The following ELFN2 variants were observed in gnomAD, a reference collection of about 807,000 sequenced individuals.
ELFN2 encodes the protein extracellular leucine rich repeat and fibronectin type III domain containing 2, also known as protein phosphatase 1 regulatory subunit 29.
A neutral mutation model predicts 45.5 loss-of-function variants in ELFN2; 17 were observed. The observed-to-expected ratio is 0.37, with a 90% confidence interval of 0.26 to 0.56. The LOEUF is 0.56. ELFN2 is among the 20% of genes least tolerant of loss of function. ELFN2 has a pLI of 0.77. For missense variants in ELFN2, 922 were observed against 1,183.2 expected (o/e 0.78, Z 3.24); for synonymous variants, 550 against 551.5 (o/e 1.00, Z 0.04).
intron 1 of ELFN2, chr22:37,354,579 C>T (rs1254916914): frequency 6.6e-6 from 1 of 152,176 alleles, no homozygotes; most frequent in African/African-American, 2.4e-5. Context: ...GCAGTAACAA[C>T]CCCAGACATT....
chr22:37,348,101 G>T (rs1273955535), intron 1 of ELFN2, among the ~76,000 whole-genome samples: 1 of 152,210 alleles, frequency 6.6e-6, no homozygotes, highest in East Asian at 1.9e-4. Context: ...CAACCTCAGG[G>T]GCCCAATTGG....
chr22:37,392,728 G>A (rs919140469), intron 2 of ELFN2, among the ~76,000 whole-genome samples: 4 of 152,110 alleles, frequency 2.6e-5, no homozygotes, highest in Admixed American at 1.3e-4. Flanking sequence ...TGCTCCCCAC[G>A]CCACTGTATA....
downstream of ELFN2, among the ~76,000 whole-genome samples, chr22:37,363,812 G>A (rs1390977456): frequency 2.6e-5 from 4 of 152,198 alleles, no homozygotes; most frequent in African/African-American, 4.8e-5. Flanking sequence ...CTCCCAGAAC[G>A]GCAGGGCCGA....
At chr22:37,401,809 A>G (rs1932370245) in intron 2 of ELFN2, among the ~76,000 whole-genome samples, 1 of 152,148 alleles carries the variant, frequency 6.6e-6, no homozygotes, top group African/African-American at 2.4e-5. Flanking sequence ...AAAATAAGTT[A>G]TTCTTCCCCA....
Position 37,374,857 on chromosome 22 carries a change from C to A in ELFN2, c.678G>T (p.Leu226=), listed in dbSNP as rs778742655. 1.9e-6 allele frequency: 3 copies of A among 1,608,150 alleles called. No individual in the cohort carries two copies. The highest frequency in any genetic ancestry group is 2.5e-6 in the Non-Finnish European group (3 of 1,179,770). Residue 226 remains leucine, a synonymous_variant, in exon 3 of 3, where the codon CTG becomes CTT. Transcript: ENST00000402918. The part of the protein sequence containing the change: ...ESPREFAGYP[L]LVPRPYHSLN... ...GGCTGTGGTAGGGCCGGGGCACCAG[C>A]AGCGGGTAGCCGGCAAACTCCCGCG...
chr22:37,393,583 G>A lies in ELFN2; in HGVS notation c.-462-17587C>T, dbSNP rs139106625. Among the ~76,000 whole-genome samples, 75 of 152,288 alleles carry A rather than the reference G, an allele frequency of 4.9e-4. 2 individuals are homozygous for A. The highest frequency in any genetic ancestry group is 6.8e-3 in the Middle Eastern group (2 of 294). ...CCAGCACTTCCTGAGCCTGGACCACGCCCCAGGCCTTGCGCTAAGTCCCAT... is the reference window on the plus strand; with the variant it reads ...CCAGCACTTCCTGAGCCTGGACCACACCCCAGGCCTTGCGCTAAGTCCCAT... On this transcript the variant is annotated intron_variant, in intron 2 of 2. Transcript: ENST00000402918.
chr22:37,425,592 T>A (rs1022732621), intron 1 of ELFN2, among the ~76,000 whole-genome samples: 3 of 152,012 alleles, frequency 2.0e-5, no homozygotes, highest in Non-Finnish European at 4.4e-5. Flanking sequence ...CTGGAGCTTA[T>A]GTCACACCTG....
intron 2 of ELFN2, among the ~76,000 whole-genome samples, chr22:37,381,927 G>C (rs1931786172): frequency 8.5e-6 from 1 of 117,816 alleles, no homozygotes; most frequent in African/African-American, 3.3e-5. Context: ...CTGCACTCCA[G>C]CCTGGGCGAC....
chr22:37,349,484 G>A (rs1930775250), intron 1 of ELFN2, among the ~76,000 whole-genome samples: 1 of 151,242 alleles, frequency 6.6e-6, no homozygotes. Context: ...CCCACCTCCA[G>A]CGTCTGCTCC....
intron 2 of ELFN2, among the ~76,000 whole-genome samples, chr22:37,384,501 C>A (rs1931881356): frequency 6.6e-6 from 1 of 150,646 alleles, no homozygotes; most frequent in Non-Finnish European, 1.5e-5. Context: ...ACACCTGATC[C>A]CACCTTCCCA....
intron 2 of ELFN2, among the ~76,000 whole-genome samples, chr22:37,383,178 C>T (rs28397194): frequency 2.0e-5 from 3 of 152,128 alleles, no homozygotes; most frequent in Admixed American, 1.3e-4. Flanking sequence ...AGTGCCGATG[C>T]GTTCAGAGCA....
chr22:37,396,156 G>A (rs915962835), intron 2 of ELFN2, among the ~76,000 whole-genome samples: 2 of 152,192 alleles, frequency 1.3e-5, no homozygotes, highest in Admixed American at 6.5e-5. Flanking sequence ...GGACAAATGC[G>A]CCAGAGACTT....
chr22:37,401,932 G>T (rs1037041050), intron 2 of ELFN2, among the ~76,000 whole-genome samples: 1 of 152,142 alleles, frequency 6.6e-6, no homozygotes, highest in Non-Finnish European at 1.5e-5. Flanking sequence ...CCCTGCCTGC[G>T]GGGTCTGCCC....
At position 37,401,121 on chromosome 22, in the gene ELFN2, C is replaced by T. The variant is rs558859572; in HGVS notation, c.-463+16648G>A. 4.6e-5 allele frequency among the ~76,000 whole-genome samples: 7 copies of T among 152,254 alleles called. No individual in the cohort carries two copies. The East Asian group carries it at 1.4e-3, about 29-fold the overall frequency. On this transcript the variant is annotated intron_variant, in intron 2 of 2. Coordinates refer to ENST00000402918, the MANE Select transcript of ELFN2 (RefSeq NM_052906.5). ...ACATGCGGGGGCCGTGGGGCCTAGG[C>T]CAGGTGGGGCTGCCTGGTCTTCCAG...
At chr22:37,422,019 G>A (rs1932812677) in intron 1 of ELFN2, among the ~76,000 whole-genome samples, 1 of 152,192 alleles carries the variant, frequency 6.6e-6, no homozygotes, top group Non-Finnish European at 1.5e-5. Context: ...GGCTGGTCAG[G>A]CAGCCTTGGG....
chr22:37,376,312 C>T (rs1402289314), intron 2 of ELFN2, among the ~76,000 whole-genome samples: 1 of 152,056 alleles, frequency 6.6e-6, no homozygotes, highest in Non-Finnish European at 1.5e-5. Context: ...ACCCCCAGCA[C>T]CCTGGAGGCC....
Position 37,375,237 on chromosome 22 carries a change from G to C in ELFN2, c.298C>G (p.Leu100Val). The part of the protein sequence containing the change: ...EISYIEDGAF[L>V]GQSSLQVLQL... ...AGGACCTGCAGGCTCGACTGGCCCAGGAAGGCACCGTCCTCGATGTAGGAG... is the reference window on the plus strand; with the variant it reads ...AGGACCTGCAGGCTCGACTGGCCCACGAAGGCACCGTCCTCGATGTAGGAG... The change falls in exon 3 of 3, where the codon CTG (leucine) becomes GTG (valine). Residue 100 changes from leucine to valine, a missense_variant. Leu to Val is a conservative substitution (Grantham distance 32). Coordinates refer to ENST00000402918, the MANE Select transcript of ELFN2 (RefSeq NM_052906.5). 4 of 1,614,156 alleles carry C rather than the reference G, an allele frequency of 2.5e-6. No individual in the cohort carries two copies. Among genetic ancestry groups the C allele is most frequent in the Non-Finnish European group, 3.4e-6 (4 of 1,180,032 alleles).
At position 37,373,776 on chromosome 22, in the gene ELFN2, C is replaced by G. The variant is rs202143334; in HGVS notation, c.1759G>C (p.Ala587Pro). 1 of 1,589,484 alleles carries G rather than the reference C, an allele frequency of 6.3e-7. No individual in the cohort carries two copies. Among genetic ancestry groups the G allele is most frequent in the Non-Finnish European group, 8.5e-7 (1 of 1,172,378 alleles). ...GCCCCGGGGCCAGTGGCTGAGGAGG[C>G]GGCAGCAGCTGCAGGGAGGGACTGG... ...ECQSLPAAAA[A>P]SSATGPGALE... Residue 587 changes from alanine (A) to proline (P), a missense_variant, in exon 3 of 3, where the codon GCC becomes CCC. Around this residue, in one of 2 missense-constraint regions of ELFN2, gnomAD observed 564 missense variants for 642.8 expected, o/e 0.88. Transcript: ENST00000402918.
chr22:37,397,185 C>T (rs185455259), intron 2 of ELFN2, among the ~76,000 whole-genome samples: 122 of 152,294 alleles, frequency 8.0e-4, no homozygotes, highest in Admixed American at 4.2e-3. Context: ...CTCACCAGCT[C>T]CAAGTGGCAT....
Sources: allele counts gnomAD v4.1 joint callset (sites outside exome capture counted in the v4.1 genomes callset), GRCh38; gene constraint gnomAD v4.1.1; regional missense constraint gnomAD v4.1.1; transcripts MANE v1.5; gene names NCBI Gene and HGNC (gene_info 2026-07-23, HGNC 2026-07-21).